MED12L: variants seen among roughly 807,000 people sequenced by gnomAD.
The protein encoded by MED12L is mediator of RNA polymerase II transcription subunit 12-like protein.
MED12L carries 60 observed loss-of-function variants against 281.3 expected under a neutral mutation model. That is an observed-to-expected ratio of 0.21 (90% CI 0.17 to 0.26). The LOEUF (loss-of-function observed/expected upper bound fraction) is 0.26, where lower values mean the gene tolerates loss of function less well. Ranked by LOEUF, MED12L falls within the 10% of genes least tolerant of loss-of-function variation. The probability of loss-of-function intolerance (pLI) is 1.00; values close to 1 mark genes in which losing one functional copy is unlikely to be tolerated. For missense variants in MED12L, 2,146 were observed against 2,680.9 expected (o/e 0.80, Z 4.41); for synonymous variants, 974 against 987.2 (o/e 0.99, Z 0.25).
intron 39 of MED12L, among the ~76,000 whole-genome samples, chr3:151,399,104 AG>A (rs1294045797): frequency 6.6e-6 from 1 of 152,190 alleles, no homozygotes; most frequent in Non-Finnish European, 1.5e-5. Context: ...GATGGGACTC[AG>A]TACAATGGTT....
At chr3:151,367,532 T>A in intron 23 of MED12L, 114 bp from the exon 24 acceptor site, 1 of 889,872 alleles carries the variant, frequency 1.1e-6, no homozygotes. Flanking sequence ...CCTCTGCTGG[T>A]TCATGTTGGG....
intron 11 of MED12L, among the ~76,000 whole-genome samples, chr3:151,180,288 T>C (rs2149049635): frequency 6.6e-6 from 1 of 152,308 alleles, no homozygotes; most frequent in Non-Finnish European, 1.5e-5. Context: ...CAGGTTGAGA[T>C]CTCAGATGTC....
intron 2 of MED12L, among the ~76,000 whole-genome samples, chr3:151,095,954 T>C (rs1720656877): frequency 6.6e-6 from 1 of 152,226 alleles, no homozygotes; most frequent in South Asian, 2.1e-4. Flanking sequence ...GCCCAAGAAA[T>C]TTAATGAAAA....
Position 151,365,045 on chromosome 3 carries a change from A to G in MED12L, c.3024A>G (p.Arg1008=). The G allele has an allele frequency of 6.2e-7, 1 of 1,614,116 alleles. No individual in the cohort carries two copies. The highest frequency in any genetic ancestry group is 8.5e-7 in the Non-Finnish European group (1 of 1,179,966). ...TGATGCCTGCAAATTCGAACTTGCG[A>G]TGGGATCCAGACTTCATGATGGATT... ...NNVMPANSNL[R]WDPDFMMDFI... is the part of the protein sequence containing the mutation. Residue 1008 remains arginine, a synonymous_variant, in exon 22 of 45, where the codon CGA becomes CGG. Coordinates refer to ENST00000687756, the MANE Select transcript of MED12L (RefSeq NM_001393769.1).
At chr3:151,328,988 T>A in intron 16 of MED12L, 1 of 1,600,034 alleles carries the variant, frequency 6.2e-7, no homozygotes, top group South Asian at 1.1e-5. Flanking sequence ...CACTGTGGTG[T>A]TCATTGCTTC....
intron 16 of MED12L, among the ~76,000 whole-genome samples, chr3:151,283,466 T>C (rs1743081161): frequency 6.6e-6 from 1 of 152,258 alleles, no homozygotes. Context: ...GCATTTTCTT[T>C]TTCACCTTGA....
chr3:151,146,485 A>G (rs1717776020), intron 5 of MED12L, among the ~76,000 whole-genome samples: 1 of 152,142 alleles, frequency 6.6e-6, no homozygotes, highest in Non-Finnish European at 1.5e-5. Context: ...GTAGCCTCAT[A>G]TCCCAGTAGA....
At chr3:151,328,699 A>G in intron 16 of MED12L, 1 of 1,614,064 alleles carries the variant, frequency 6.2e-7, no homozygotes, top group Non-Finnish European at 8.5e-7. Context: ...ATATCACCGA[A>G]GAAAAACGAC....
chr3:151,261,165 T>C (rs905890192), intron 16 of MED12L, among the ~76,000 whole-genome samples: 1 of 152,156 alleles, frequency 6.6e-6, no homozygotes, highest in Non-Finnish European at 1.5e-5. Context: ...AATTATACTG[T>C]TCCCCATTCT....
At chr3:151,089,684 C>CG (rs144047104) in intron 2 of MED12L, among the ~76,000 whole-genome samples, 1,177 of 68,238 alleles carry the variant, frequency 0.017, 11 homozygotes, top group African/African-American at 0.05. Flanking sequence ...GGGGGTGGGG[C>CG]GGGGGGGAGA....
intron 11 of MED12L, among the ~76,000 whole-genome samples, chr3:151,168,112 CA>C (rs1178555717): frequency 2.0e-5 from 3 of 151,784 alleles, no homozygotes; most frequent in Non-Finnish European, 2.9e-5. Flanking sequence ...GGTGTTTTTT[CA>C]AAAAAATTCA....
At chr3:151,178,481 T>C (rs958359575) in intron 11 of MED12L, among the ~76,000 whole-genome samples, 1 of 152,132 alleles carries the variant, frequency 6.6e-6, no homozygotes, top group Non-Finnish European at 1.5e-5. Flanking sequence ...CCAGAGGTGC[T>C]GGGGGCTCAC....
chr3:151,237,996 T>C (rs1733266103), intron 16 of MED12L, among the ~76,000 whole-genome samples: 1 of 152,190 alleles, frequency 6.6e-6, no homozygotes, highest in African/African-American at 2.4e-5. Context: ...TGACTTACTG[T>C]TTTCACTTTT....
intron 16 of MED12L, chr3:151,295,353 A>G: frequency 1.6e-6 from 1 of 610,618 alleles, no homozygotes; most frequent in Non-Finnish European, 2.9e-6. Context: ...AAGGTAGCAC[A>G]TTGTTAATGT....
chr3:151,258,719 GTGCA>G, intron 16 of MED12L, among the ~76,000 whole-genome samples: 1 of 152,108 alleles, frequency 6.6e-6, no homozygotes, highest in East Asian at 1.9e-4. Context: ...AGGTGTGGTG[GTGCA>G]TGCCTGTAGT....
At chr3:151,198,604 A>G (rs1304909712) in intron 16 of MED12L, 1 of 1,613,996 alleles carries the variant, frequency 6.2e-7, no homozygotes, top group Non-Finnish European at 8.5e-7. Context: ...TGAAGAGTGA[A>G]ATCCTGGTTG....
intron 26 of MED12L, among the ~76,000 whole-genome samples, chr3:151,371,293 AC>A (rs1185720829): frequency 2.0e-5 from 3 of 152,178 alleles, no homozygotes; most frequent in Non-Finnish European, 2.9e-5. Context: ...TTTAATTTCT[AC>A]AATGTAACTC....
intron 8 of MED12L, among the ~76,000 whole-genome samples, chr3:151,162,410 TTAAATTGATTGA>T (rs1300631111): frequency 6.6e-6 from 1 of 152,194 alleles, no homozygotes; most frequent in Non-Finnish European, 1.5e-5. Context: ...TTTATTTTTT[TTAAATTGATTGA>T]TGAATTGATT....
intron 16 of MED12L, among the ~76,000 whole-genome samples, chr3:151,315,663 A>G (rs1262830476): frequency 1.3e-5 from 2 of 152,218 alleles, no homozygotes; most frequent in East Asian, 3.8e-4. Flanking sequence ...CTCAATTGGC[A>G]GAAATAATAA....
Sources: gnomAD v4.1 joint callset for allele counts (sites outside exome capture counted in the v4.1 genomes callset) on GRCh38, gnomAD v4.1.1 for gene constraint, MANE v1.5 for transcripts, NCBI Gene and HGNC (gene_info 2026-07-23, HGNC 2026-07-21) for gene names.